The following PCDHA2 variants were observed in gnomAD, a reference collection of about 807,000 sequenced individuals.
PCDHA2 encodes protocadherin alpha 2.
Under a neutral mutation model 66.0 loss-of-function variants are expected in PCDHA2, and 58 were observed. The observed-to-expected ratio is 0.88, with a 90% CI of 0.71 to 1.09. The LOEUF (loss-of-function observed/expected upper bound fraction) is 1.09, where lower values mean the gene tolerates loss of function less well. PCDHA2 is among the 50% of genes least tolerant of loss of function. The pLI is 0.00. For missense variants in PCDHA2, 1,267 were observed against 1,242.3 expected (o/e 1.02, Z -0.30); for synonymous variants, 634 against 554.0 (o/e 1.14, Z -2.03).
At chr5:140,868,887 G>A in intron 1 of PCDHA2, 1 of 740,170 alleles carries the variant, frequency 1.4e-6, no homozygotes, top group Admixed American at 3.1e-5. Context: ...CACAGTTTTA[G>A]GCGCAAGGTG....
intron 1 of PCDHA2, chr5:140,928,323 T>C: frequency 1.2e-6 from 2 of 1,614,178 alleles, no homozygotes; most frequent in Non-Finnish European, 1.7e-6. Context: ...TGGGGAAGAA[T>C]GGCCTTGTCT....
At chr5:140,980,094 TA>T (rs1554241421) in intron 2 of PCDHA2, among the ~76,000 whole-genome samples, 1 of 152,218 alleles carries the variant, frequency 6.6e-6, no homozygotes, top group African/African-American at 2.4e-5. Context: ...GTTGGCTTGG[TA>T]AGATGTCACA....
Position 141,011,614 on chromosome 5 carries a change from T to C in PCDHA2, c.*1677T>C, listed in dbSNP as rs1268321894. On this transcript the variant is annotated 3_prime_UTR_variant, in exon 4 of 4. Transcript: ENST00000526136. ...GTGATTCAAGGAATTTTATTTATGG[T>C]CCAGCCAAGAGCCATCTCGTGCCAA... 5 of 153,774 alleles carry C rather than the reference T, an allele frequency of 3.3e-5. No individual in the cohort carries two copies. Among genetic ancestry groups the C allele is most frequent in the African/African-American group, 1.2e-4 (5 of 41,460 alleles). 9.5% of individuals were successfully genotyped at this position (153,774 alleles called of 1,614,324 possible). A position where few individuals can be genotyped will look rare whatever the true frequency, so the allele number is the denominator to read the frequency against.
chr5:140,888,129 A>G (rs2061706592), intron 1 of PCDHA2, among the ~76,000 whole-genome samples: 2 of 152,024 alleles, frequency 1.3e-5, no homozygotes, highest in Admixed American at 1.3e-4. Flanking sequence ...CTATGGATAT[A>G]TTTTCTTGCT....
At chr5:140,907,071 C>T (rs1220660624) in intron 1 of PCDHA2, among the ~76,000 whole-genome samples, 1 of 152,156 alleles carries the variant, frequency 6.6e-6, no homozygotes, top group African/African-American at 2.4e-5. Flanking sequence ...TAGTGGGTCA[C>T]TAGGGGTGAT....
intron 1 of PCDHA2, chr5:140,863,233 C>A (rs2047882202): frequency 1.6e-6 from 2 of 1,240,300 alleles, no homozygotes; most frequent in South Asian, 1.2e-5. Flanking sequence ...GGTCCCATCG[C>A]GGGCTTTGGC....
intron 1 of PCDHA2, chr5:140,803,443 C>T (rs1554122823): frequency 1.2e-6 from 2 of 1,614,142 alleles, no homozygotes; most frequent in South Asian, 1.1e-5. Flanking sequence ...GGGAGCTGGT[C>T]ATACTCGCAG....
At chr5:140,993,226 T>G (rs1554253487) in intron 3 of PCDHA2, among the ~76,000 whole-genome samples, 1 of 152,204 alleles carries the variant, frequency 6.6e-6, no homozygotes, top group Non-Finnish European at 1.5e-5. Context: ...TTTGGTATGT[T>G]CTCTCTGAAT....
At chr5:140,980,842 T>C (rs376646751) in intron 2 of PCDHA2, among the ~76,000 whole-genome samples, 2 of 152,328 alleles carry the variant, frequency 1.3e-5, no homozygotes, top group Non-Finnish European at 2.9e-5. Flanking sequence ...ACCTAAATAA[T>C]ACTAATCTTT....
chr5:140,798,270 G>T (rs1452839328), intron 1 of PCDHA2, among the ~76,000 whole-genome samples: 2 of 152,090 alleles, frequency 1.3e-5, no homozygotes, highest in African/African-American at 4.8e-5. Flanking sequence ...ACAGCACTTA[G>T]GAATAACTGC....
At position 140,795,692 on chromosome 5, in the gene PCDHA2, C is replaced by T. The variant is rs781888206; in HGVS notation, c.728C>T (p.Ala243Val). ...GTAAATGACAATGAACCAACTTTTG[C>T]CCAATCAGTTTACAAAGTAAAATTG... Reference protein sequence around the residue: ...LDVNDNEPTFAQSVYKVKLLE... With the variant: ...LDVNDNEPTFVQSVYKVKLLE... Residue 243 changes from alanine (A) to valine (V), a missense_variant, in exon 1 of 4, where the codon GCC (alanine) becomes GTC (valine). Transcript: ENST00000526136. 6 of 1,614,026 alleles carry T rather than the reference C, an allele frequency of 3.7e-6. No homozygotes were observed. The highest frequency in any genetic ancestry group is 1.1e-5 in the South Asian group (1 of 91,080).
chr5:140,816,086 G>T (rs1372705101), intron 1 of PCDHA2: 1 of 152,126 alleles, frequency 6.6e-6, no homozygotes, highest in African/African-American at 2.4e-5. Context: ...TAAAAAATAA[G>T]CTGTCTGTCC....
Position 140,842,949 on chromosome 5 carries a change from C to T in PCDHA2, c.2388+45597C>T. On this transcript the variant is annotated intron_variant, in intron 1 of 3. Coordinates refer to ENST00000526136, the MANE Select transcript of PCDHA2 (RefSeq NM_018905.3). Reference sequence around the variant, plus strand: ...GTGAGCGCGCGCGACGCGGGCGTGCCGCCTCTGGGCAGCAACGTGACGCTG... The same window carrying T: ...GTGAGCGCGCGCGACGCGGGCGTGCTGCCTCTGGGCAGCAACGTGACGCTG... The T allele has an allele frequency of 3.1e-6, 5 of 1,594,666 alleles. 1 individual carries two copies. The highest frequency in any genetic ancestry group is 4.3e-6 in the Non-Finnish European group (5 of 1,165,460).
chr5:140,812,950 A>C lies in PCDHA2; in HGVS notation c.2388+15598A>C, dbSNP rs1554126090. ...ATTTCTACATATTTGCAGATTTTCC[A>C]GTTTTAATTCCAGTATTGATTTCTA... On this transcript the variant is annotated intron_variant, in intron 1 of 3. Transcript: ENST00000526136. The C allele has an allele frequency of 2.6e-5, 4 of 152,266 alleles. No individual in the cohort carries two copies. The South Asian group carries it at 6.2e-4, about 24-fold the overall frequency. 9.4% of individuals were successfully genotyped at this position (152,266 alleles called of 1,614,324 possible).
Position 140,828,413 on chromosome 5 carries a change from G to A in PCDHA2, c.2388+31061G>A, listed in dbSNP as rs2150155063. ...CGCGGAGTGCAGCATCCACCTGGAG[G>A]TGATCGTGGACAGGCCGCTGCAGGT... is the stretch of plus-strand genomic sequence containing the variant. On this transcript the variant is annotated intron_variant, in intron 1 of 3. Transcript: ENST00000526136. 3.3e-5 allele frequency: 54 copies of A among 1,614,278 alleles called. No homozygotes were observed. The Admixed American group carries it at 8.7e-4, about 26-fold the overall frequency.
At chr5:140,830,275 C>A (rs147028446) in intron 1 of PCDHA2, 3 of 1,613,698 alleles carry the variant, frequency 1.9e-6, no homozygotes, top group Non-Finnish European at 2.5e-6. Context: ...CGCCACCCAC[C>A]GAGGGCGCGT....
chr5:140,857,434 C>T (rs987628518), intron 1 of PCDHA2: 2 of 1,598,440 alleles, frequency 1.3e-6, no homozygotes, highest in Non-Finnish European at 1.7e-6. Context: ...ACACGGTGTT[C>T]GTGAAGGAGA....
intron 1 of PCDHA2, among the ~76,000 whole-genome samples, chr5:140,888,737 A>T (rs1468383652): frequency 6.6e-6 from 1 of 152,036 alleles, no homozygotes; most frequent in Non-Finnish European, 1.5e-5. Context: ...TGTGAGCTCT[A>T]GGAATTATTC....
At chr5:140,822,940 ATGCCCCACGTTCCCTTCAAGCTGG>A (rs1767480245) in intron 1 of PCDHA2, 1 of 1,614,204 alleles carries the variant, frequency 6.2e-7, no homozygotes, top group Admixed American at 1.7e-5. Flanking sequence ...CTGCTCCCTA[ATGCCCCACGTTCCCTTCAAGCTGG>A]TGTCCACCTT....
Sources: allele counts gnomAD v4.1 joint callset (sites outside exome capture counted in the v4.1 genomes callset), GRCh38; gene constraint gnomAD v4.1.1; transcripts MANE v1.5; gene names NCBI Gene and HGNC (gene_info 2026-07-23, HGNC 2026-07-21).